Variants in TBC1D16 observed in about 807,000 individuals in gnomAD.
The protein encoded by TBC1D16 is TBC1 domain family member 16.
A neutral mutation model predicts 74.7 loss-of-function variants in TBC1D16; 58 were observed. The observed-to-expected ratio is 0.78, with a 90% CI of 0.63 to 0.97. The LOEUF is 0.97. Ranked by LOEUF, TBC1D16 falls within the 50% of genes least tolerant of loss-of-function variation. The pLI, the probability that TBC1D16 is intolerant of heterozygous loss-of-function variation, is 0.00. For missense variants in TBC1D16, 1,014 were observed against 1,079.5 expected, an observed-to-expected ratio of 0.94 and a Z score of 0.85; for synonymous variants, 493 against 474.7, an observed-to-expected ratio of 1.04 and a Z score of -0.50.
rs185652050 is a variant in TBC1D16 at position 79,939,250 on chromosome 17, A to G, written c.*1609T>C. The G allele has an allele frequency of 3.3e-5, 5 of 152,340 alleles. No individual in the cohort carries two copies. Among genetic ancestry groups the G allele is most frequent in the Middle Eastern group, 3.4e-3 (1 of 294 alleles). 9.4% of individuals were successfully genotyped at this position (152,340 alleles called of 1,614,324 possible). A position where few individuals can be genotyped will look rare whatever the true frequency, so the allele number is the denominator to read the frequency against. Reference sequence around the variant, plus strand: ...ATGGTCGGTACCCCAGGATCTGGGCACTGATGGGGCTCCAGGACGGTCTCC... The same window carrying G: ...ATGGTCGGTACCCCAGGATCTGGGCGCTGATGGGGCTCCAGGACGGTCTCC... On this transcript the variant is annotated 3_prime_UTR_variant, in exon 12 of 12. Coordinates refer to ENST00000310924, the MANE Select transcript of TBC1D16 (RefSeq NM_019020.4).
chr17:79,964,672 T>TA (rs1402494743), intron 3 of TBC1D16, among the ~76,000 whole-genome samples: 2 of 152,208 alleles, frequency 1.3e-5, no homozygotes, highest in Non-Finnish European at 1.5e-5. Flanking sequence ...AATAAACTTG[T>TA]AAAAAATACC....
intron 1 of TBC1D16, among the ~76,000 whole-genome samples, chr17:80,024,698 C>A (rs959254337): frequency 1.2e-3 from 7 of 5,870 alleles, no homozygotes; most frequent in South Asian, 3.4e-3. Flanking sequence ...GACACACATG[C>A]CACACACGAC....
At chr17:79,967,436 T>C (rs1160331287) in intron 3 of TBC1D16, among the ~76,000 whole-genome samples, 1 of 152,184 alleles carries the variant, frequency 6.6e-6, no homozygotes, top group Non-Finnish European at 1.5e-5. Flanking sequence ...TCAGTAAGTT[T>C]GCATTATATA....
intron 3 of TBC1D16, among the ~76,000 whole-genome samples, chr17:79,965,529 T>A (rs1304423683): frequency 6.6e-6 from 1 of 152,180 alleles, no homozygotes; most frequent in Non-Finnish European, 1.5e-5. Context: ...CCAGGAGCTC[T>A]CCTAATTGCT....
In TBC1D16 at chr17:79,981,717, C is replaced by T. The variant is rs921873804; in HGVS notation, c.779+28443G>A. ...CCGGAGGCAAGGGACGCGCCACCCT[C>T]GGAGCGGCTCCCTCGGCTCTTCTGT... On this transcript the variant is annotated intron_variant, in intron 3 of 11. Transcript: ENST00000310924. The surrounding 1 kb of genome is among the most constrained non-coding windows in gnomAD (Gnocchi z 6.9). Among the ~76,000 whole-genome samples the T allele has an allele frequency of 1.1e-4, 17 of 152,244 alleles. No homozygotes were observed. Among genetic ancestry groups the T allele is most frequent in the African/African-American group, 3.9e-4 (16 of 41,468 alleles).
At position 79,933,783 on chromosome 17, in the gene TBC1D16, A is replaced by G. The variant is rs1289867455; in HGVS notation, c.*7076T>C. On this transcript the variant is annotated 3_prime_UTR_variant, in exon 12 of 12. Coordinates refer to ENST00000310924, the MANE Select transcript of TBC1D16 (RefSeq NM_019020.4). ...TTGCTCATTTGAGGGTGTGCAGGGT[A>G]CATATGTGTCTGCCCCGGGAATCCA... is the stretch of plus-strand genomic sequence containing the variant. The G allele has an allele frequency of 1.3e-5, 2 of 152,220 alleles. No individual in the cohort carries two copies. Among genetic ancestry groups the G allele is most frequent in the African/African-American group, 4.8e-5 (2 of 41,414 alleles). 9.4% of individuals were successfully genotyped at this position (152,220 alleles called of 1,614,324 possible).
At position 79,936,917 on chromosome 17, in the gene TBC1D16, T is replaced by C. The variant is rs894870; in HGVS notation, c.*3942A>G. The C allele has an allele frequency of 0.017, 1,740 of 99,544 alleles. 19 individuals carry two copies. Among genetic ancestry groups the C allele is most frequent in the African/African-American group, 0.031 (846 of 27,412 alleles). The allele number at this position is 99,544 out of a possible 1,614,324, so 6.2% of individuals were successfully genotyped here. On this transcript the variant is annotated 3_prime_UTR_variant, in exon 12 of 12. Transcript: ENST00000310924. ...GTGCGTGTGTGCATGTGCGTGTGTG[T>C]GTGTGTGTGTGTGTGTGTGTGTGCG...
chr17:80,016,425 T>C (rs1159890187), intron 1 of TBC1D16, among the ~76,000 whole-genome samples: 1 of 152,202 alleles, frequency 6.6e-6, no homozygotes, highest in African/African-American at 2.4e-5. Flanking sequence ...TTATGTTATA[T>C]GTATTTTACC....
chr17:80,013,612 G>T lies in TBC1D16; in HGVS notation c.-62-3C>A. 1 of 1,427,968 alleles carries T rather than the reference G, an allele frequency of 7.0e-7. No individual in the cohort carries two copies. The highest frequency in any genetic ancestry group is 9.3e-7 in the Non-Finnish European group (1 of 1,079,388). The allele number at this position is 1,427,968 out of a possible 1,614,324, so 88.5% of individuals were successfully genotyped here. On this transcript the variant is annotated splice_polypyrimidine_tract_variant and splice_region_variant and intron_variant, in intron 1 of 11. Coordinates refer to ENST00000310924, the MANE Select transcript of TBC1D16 (RefSeq NM_019020.4). Reference sequence around the variant, plus strand: ...GGGCAGGGCTCGTCAAGACCTGCCTGGGGGAGGAAGAGAGAGGAGATGGTC... The same window carrying T: ...GGGCAGGGCTCGTCAAGACCTGCCTTGGGGAGGAAGAGAGAGGAGATGGTC...
chr17:79,976,119 C>T (rs1434627438), intron 3 of TBC1D16, among the ~76,000 whole-genome samples: 4 of 152,146 alleles, frequency 2.6e-5, no homozygotes, highest in Admixed American at 6.5e-5. Flanking sequence ...AACCTGGGAG[C>T]GAGATGGAAT....
At chr17:80,005,776 C>G (rs2035651024) in intron 3 of TBC1D16, among the ~76,000 whole-genome samples, 1 of 152,150 alleles carries the variant, frequency 6.6e-6, no homozygotes. Flanking sequence ...GCAGACCCCA[C>G]CTGGCCATAC....
chr17:80,025,018 A>T (rs112887631), intron 1 of TBC1D16, among the ~76,000 whole-genome samples: 44 of 104,516 alleles, frequency 4.2e-4, no homozygotes, highest in Non-Finnish European at 1.1e-4. Flanking sequence ...ACACACACAC[A>T]CACCACAGAT....
intron 3 of TBC1D16, among the ~76,000 whole-genome samples, chr17:79,955,533 C>T (rs1295407648): frequency 6.6e-6 from 1 of 152,228 alleles, no homozygotes; most frequent in African/African-American, 2.4e-5. Context: ...TATCTTTCTA[C>T]ACACGTAAAG....
intron 1 of TBC1D16, among the ~76,000 whole-genome samples, chr17:80,026,548 T>C (rs547413837): frequency 1.3e-5 from 2 of 149,606 alleles, no homozygotes; most frequent in East Asian, 3.9e-4. Flanking sequence ...AGGGTGGAGT[T>C]GTGTGGACCA....
At position 80,001,168 on chromosome 17, in the gene TBC1D16, C is replaced by T. The variant is rs1236153653; in HGVS notation, c.779+8992G>A. 6.6e-6 allele frequency among the ~76,000 whole-genome samples: 1 copy of T among 152,240 alleles called. No individual in the cohort carries two copies. The highest frequency in any genetic ancestry group is 1.5e-5 in the Non-Finnish European group (1 of 68,038). ...GCCAGTTCATGGGGCTCTGACCAGC[C>T]AGCTGCCCTTCCCGTAACAGCTTCC... On this transcript the variant is annotated intron_variant, in intron 3 of 11. Transcript: ENST00000310924. The surrounding 1 kb of genome is among the most constrained non-coding windows in gnomAD (Gnocchi z 5.8).
At position 80,000,977 on chromosome 17, in the gene TBC1D16, T is replaced by C. The variant is rs1351302224; in HGVS notation, c.779+9183A>G. On this transcript the variant is annotated intron_variant, in intron 3 of 11. Transcript: ENST00000310924. This position sits in a 1 kb window ranked among gnomAD's most constrained non-coding sequence, Gnocchi z 4.1. The stretch of plus-strand genomic sequence containing the variant: ...CACCAGAGGGCTGGGCACGGTGGCA[T>C]CCCAGTCGAATTCTTTGGCAGCCCC... Among the ~76,000 whole-genome samples the C allele has an allele frequency of 6.6e-6, 1 of 152,132 alleles. No individual in the cohort carries two copies. The highest frequency in any genetic ancestry group is 1.5e-5 in the Non-Finnish European group (1 of 68,008).
intron 1 of TBC1D16, among the ~76,000 whole-genome samples, chr17:80,031,856 C>A (rs1332516309): frequency 6.6e-6 from 1 of 152,152 alleles, no homozygotes; most frequent in African/African-American, 2.4e-5. Context: ...CTATGCTGTG[C>A]CTGTAAACAT....
At chr17:80,014,076 G>A (rs989638191) in intron 1 of TBC1D16, among the ~76,000 whole-genome samples, 1 of 152,172 alleles carries the variant, frequency 6.6e-6, no homozygotes, top group African/African-American at 2.4e-5. Flanking sequence ...AAATAAACAG[G>A]CAAGGCGCAC....
chr17:79,998,614 G>C (rs1421119959), intron 3 of TBC1D16, among the ~76,000 whole-genome samples: 6 of 151,202 alleles, frequency 4.0e-5, no homozygotes, highest in Non-Finnish European at 1.5e-5. Context: ...CAAAGCGCTG[G>C]GATTACAGGT....
Sources: allele counts gnomAD v4.1 joint callset (sites outside exome capture counted in the v4.1 genomes callset), GRCh38; gene constraint gnomAD v4.1.1; non-coding constraint Gnocchi (gnomAD v3.1); transcripts MANE v1.5; gene names NCBI Gene and HGNC (gene_info 2026-07-23, HGNC 2026-07-21).